PCBP3: variants seen among roughly 807,000 people sequenced by gnomAD.
PCBP3 encodes poly(rC) binding protein 3, also known as poly(rC)-binding protein 3.
PCBP3 carries 25 observed loss-of-function variants against 52.7 expected under a neutral mutation model. The observed-to-expected ratio is 0.47, with a 90% CI of 0.35 to 0.66. The LOEUF is 0.66. Among genes scored for constraint, PCBP3 ranks in the 30% least tolerant of loss-of-function variants. PCBP3 has a pLI of 0.01. For synonymous variants in PCBP3, 162 were observed against 183.0 expected (o/e 0.89, Z 0.93); for missense variants, 391 against 490.3 (o/e 0.80, Z 1.91).
At chr21:45,846,891 A>G (rs186100450) in intron 4 of PCBP3, among the ~76,000 whole-genome samples, 6 of 152,274 alleles carry the variant, frequency 3.9e-5, no homozygotes, top group African/African-American at 7.2e-5. Context: ...TCACTTGGCA[A>G]TTGTCATGTC....
intron 2 of PCBP3, among the ~76,000 whole-genome samples, chr21:45,682,894 T>C (rs887928388): frequency 1.3e-5 from 2 of 152,128 alleles, no homozygotes; most frequent in Non-Finnish European, 2.9e-5. Flanking sequence ...TGGAGATTCA[T>C]CAGCCCATAG....
chr21:45,776,419 T>A (rs903524706), intron 4 of PCBP3, among the ~76,000 whole-genome samples: 2 of 152,018 alleles, frequency 1.3e-5, no homozygotes, highest in African/African-American at 4.8e-5. Context: ...CCCCACTGTT[T>A]TTGTACTTGA....
At chr21:45,759,007 G>T (rs1204140395) in intron 4 of PCBP3, among the ~76,000 whole-genome samples, 1 of 152,032 alleles carries the variant, frequency 6.6e-6, no homozygotes, top group East Asian at 1.9e-4. Context: ...TTTGATTTTT[G>T]ATTGTTGAGC....
intron 2 of PCBP3, among the ~76,000 whole-genome samples, chr21:45,702,193 TGTA>T (rs772033681): frequency 6.6e-6 from 1 of 152,210 alleles, no homozygotes; most frequent in African/African-American, 2.4e-5. Flanking sequence ...TCAGTAAACT[TGTA>T]GTATTTTATT....
At chr21:45,887,119 C>A (rs1252326790) in intron 5 of PCBP3, among the ~76,000 whole-genome samples, 1 of 152,196 alleles carries the variant, frequency 6.6e-6, no homozygotes, top group African/African-American at 2.4e-5. Flanking sequence ...TTTTCCACTT[C>A]CAAGTCTGAG....
intron 4 of PCBP3, among the ~76,000 whole-genome samples, chr21:45,783,242 G>T (rs2090779613): frequency 6.6e-6 from 1 of 152,130 alleles, no homozygotes; most frequent in Admixed American, 6.5e-5. Flanking sequence ...TTCCATGTGC[G>T]ATTGGCCATT....
intron 16 of PCBP3, 58 bp from the exon 17 acceptor site, chr21:45,939,972 A>T (rs2077285662): frequency 4.6e-6 from 7 of 1,518,656 alleles, no homozygotes. Context: ...CACTGCCCAC[A>T]GTCTTCAGGG....
At chr21:45,940,630 G>A (rs2839067) in intron 17 of PCBP3, among the ~76,000 whole-genome samples, 6,886 of 151,178 alleles carry the variant, frequency 0.046, 363 homozygotes, top group African/African-American at 0.12. Flanking sequence ...TCTGCAGGCC[G>A]CTTCCTTCCA....
At position 45,928,966 on chromosome 21, in the gene PCBP3, C is replaced by A. The variant is rs368260887; in HGVS notation, c.718-951C>A. Among the ~76,000 whole-genome samples the A allele has an allele frequency of 6.6e-6, 1 of 152,238 alleles. No homozygotes were observed. Among genetic ancestry groups the A allele is most frequent in the South Asian group, 2.1e-4 (1 of 4,834 alleles). On this transcript the variant is annotated intron_variant, in intron 13 of 17. Transcript: ENST00000681687. The surrounding 1 kb of genome is among the most constrained non-coding windows in gnomAD (Gnocchi z 4.1). ...GCAGCACCCAGCCTTGACAGCCCCA[C>A]TGGAGGCCTGTGGCTCCTGGGAAAG...
At chr21:45,687,414 T>C (rs565077353) in intron 2 of PCBP3, among the ~76,000 whole-genome samples, 65 of 152,184 alleles carry the variant, frequency 4.3e-4, no homozygotes, top group African/African-American at 1.4e-3. Context: ...ATGATAGATA[T>C]GGATAATACA....
At chr21:45,667,010 C>T (rs1368499399) in intron 1 of PCBP3, among the ~76,000 whole-genome samples, 1 of 150,108 alleles carries the variant, frequency 6.7e-6, no homozygotes, top group African/African-American at 2.5e-5. Context: ...AATTATAATC[C>T]TTTCATATAT....
intron 4 of PCBP3, among the ~76,000 whole-genome samples, chr21:45,841,106 G>C (rs1243603205): frequency 1.3e-5 from 2 of 152,152 alleles, no homozygotes; most frequent in Non-Finnish European, 2.9e-5. Context: ...CTCTCACCTA[G>C]GTTTGGGTAA....
intron 1 of PCBP3, among the ~76,000 whole-genome samples, chr21:45,648,667 G>A (rs1382451533): frequency 1.3e-5 from 2 of 152,160 alleles, no homozygotes; most frequent in African/African-American, 4.8e-5. Flanking sequence ...ATCCTTCGTA[G>A]CTTCAGATGT....
chr21:45,893,527 G>A (rs2095736714), intron 5 of PCBP3, among the ~76,000 whole-genome samples: 1 of 58,696 alleles, frequency 1.7e-5, no homozygotes. Context: ...CTGGCCTGAG[G>A]CACATCTGCA....
At chr21:45,648,914 G>T (rs2079502232) in intron 1 of PCBP3, among the ~76,000 whole-genome samples, 1 of 152,084 alleles carries the variant, frequency 6.6e-6, no homozygotes. Context: ...TTTTAAATGT[G>T]CTGTTTTGAT....
At chr21:45,814,954 TG>T in intron 4 of PCBP3, among the ~76,000 whole-genome samples, 1 of 116,084 alleles carries the variant, frequency 8.6e-6, no homozygotes. Context: ...GAGTGGTGAG[TG>T]AGTGGTGAGT....
At chr21:45,659,630 C>T (rs557050808) in intron 1 of PCBP3, among the ~76,000 whole-genome samples, 88 of 152,256 alleles carry the variant, frequency 5.8e-4, no homozygotes, top group African/African-American at 1.8e-3. Context: ...GGATTACAGG[C>T]GTTAGCCACT....
intron 4 of PCBP3, among the ~76,000 whole-genome samples, chr21:45,835,742 A>AG (rs974824008): frequency 6.6e-6 from 1 of 152,106 alleles, no homozygotes; most frequent in African/African-American, 2.4e-5. Flanking sequence ...GCTTCTCCTG[A>AG]GCCATTTTCA....
intron 2 of PCBP3, among the ~76,000 whole-genome samples, chr21:45,674,008 T>C (rs2081321713): frequency 6.6e-6 from 1 of 152,200 alleles, no homozygotes; most frequent in African/African-American, 2.4e-5. Context: ...ATAATCACCA[T>C]AATACTTAGG....
Sources: gnomAD v4.1 joint callset for allele counts (sites outside exome capture counted in the v4.1 genomes callset) on GRCh38, gnomAD v4.1.1 for gene constraint, Gnocchi (gnomAD v3.1) non-coding constraint, MANE v1.5 for transcripts, NCBI Gene and HGNC (gene_info 2026-07-23, HGNC 2026-07-21) for gene names.